Variants in C13orf46 observed in about 807,000 individuals in gnomAD.
The protein encoded by C13orf46 is chromosome 13 open reading frame 46.
chr13:113,959,605 C>A (rs946696223), intron 6 of C13orf46, among the ~76,000 whole-genome samples: 2 of 152,140 alleles, frequency 1.3e-5, no homozygotes, highest in Non-Finnish European at 2.9e-5. Flanking sequence ...CAGAAATGGT[C>A]AAAAATGGTG....
At chr13:113,947,278 T>G in the C13orf46 span, among the ~76,000 whole-genome samples, 1 of 151,542 alleles carries the variant, frequency 6.6e-6, no homozygotes, top group African/African-American at 2.4e-5. Context: ...GGAAGGGGGT[T>G]GGGGGAGGCT....
At chr13:113,936,643 T>G in the C13orf46 span, among the ~76,000 whole-genome samples, 1 of 152,096 alleles carries the variant, frequency 6.6e-6, no homozygotes. Context: ...TCCCTGAAAA[T>G]GCAGAGACCA....
chr13:113,963,069 C>T (rs1228443420), intron 6 of C13orf46, among the ~76,000 whole-genome samples: 10 of 152,340 alleles, frequency 6.6e-5, no homozygotes, highest in Admixed American at 2.6e-4. Flanking sequence ...AGCAATCCGT[C>T]AGCAAAGCCA....
rs2052527641 is a variant in C13orf46 at position 113,955,980 on chromosome 13, G to A, written c.*793C>T. ...AGGAGGAGCATCTGGCGGAGACGAG[G>A]AGTAGGATCTGGCAGAGAGGAGGAG... On this transcript the variant is annotated 3_prime_UTR_variant, in exon 7 of 7. Coordinates refer to ENST00000636427, the MANE Select transcript of C13orf46 (RefSeq NM_001365455.2). 6.3e-6 allele frequency: 1 copy of A among 158,716 alleles called. No homozygotes were observed. The allele number at this position is 158,716 out of a possible 1,614,324, so 9.8% of individuals were successfully genotyped here. A position where few individuals can be genotyped will look rare whatever the true frequency, so the allele number is the denominator to read the frequency against.
rs1167070792 is a variant in C13orf46, at chr13:113,955,004, G to A, written c.*1769C>T. The A allele has an allele frequency of 8.7e-6, 1 of 115,436 alleles. No individual in the cohort carries two copies. The highest frequency in any genetic ancestry group is 1.9e-5 in the Non-Finnish European group (1 of 51,504). 7.2% of individuals were successfully genotyped at this position (115,436 alleles called of 1,614,324 possible). ...ACGAGGAGGAGGATCTGGCAGAGAGGAGGAGTAGGATCTGGCGGAGAGGAG... is the reference window on the plus strand; with the variant it reads ...ACGAGGAGGAGGATCTGGCAGAGAGAAGGAGTAGGATCTGGCGGAGAGGAG... On this transcript the variant is annotated 3_prime_UTR_variant, in exon 7 of 7. Coordinates refer to ENST00000636427, the MANE Select transcript of C13orf46 (RefSeq NM_001365455.2).
downstream of C13orf46, among the ~76,000 whole-genome samples, chr13:113,949,040 G>A (rs1214844321): frequency 2.0e-5 from 3 of 152,116 alleles, no homozygotes; most frequent in Admixed American, 6.5e-5. Flanking sequence ...CCCCCTCACC[G>A]CCCCCACTCC....
chr13:113,953,246 C>A (rs888650646), downstream of C13orf46, among the ~76,000 whole-genome samples: 8 of 152,210 alleles, frequency 5.3e-5, no homozygotes, highest in African/African-American at 9.7e-5. Context: ...GGTGGCCACT[C>A]ACATCCCACA....
At chr13:113,972,034 G>C (rs2052711626) in intron 1 of C13orf46, among the ~76,000 whole-genome samples, 2 of 152,190 alleles carry the variant, frequency 1.3e-5, no homozygotes, top group Non-Finnish European at 1.5e-5. Flanking sequence ...CAGAAGCCCG[G>C]CCTCCCTGCT....
chr13:113,940,470 A>G, the C13orf46 span, among the ~76,000 whole-genome samples: 50 of 142,568 alleles, frequency 3.5e-4, no homozygotes, highest in Middle Eastern at 3.7e-3. Context: ...CTAGGACTCC[A>G]TGTGTGAGGC....
chr13:113,946,509 G>T, the C13orf46 span, among the ~76,000 whole-genome samples: 2 of 152,186 alleles, frequency 1.3e-5, no homozygotes, highest in Non-Finnish European at 2.9e-5. Flanking sequence ...TGTGTGGGTC[G>T]TCAGCCGGGT....
chr13:113,927,604 G>A, the C13orf46 span: 12 of 398,586 alleles, frequency 3.0e-5, no homozygotes, highest in Middle Eastern at 1.2e-3. Flanking sequence ...CTACGGTGGG[G>A]AGTGAGCCTT....
At chr13:113,967,288 G>A (rs1422259649) in intron 5 of C13orf46, 53 bp downstream of exon 5, 2 of 152,286 alleles carry the variant, frequency 1.3e-5, no homozygotes, top group Non-Finnish European at 2.9e-5. Flanking sequence ...AGGCAGCACA[G>A]GCGCTTTCCT....
chr13:113,959,956 A>G (rs1488316005), intron 6 of C13orf46, among the ~76,000 whole-genome samples: 3 of 152,222 alleles, frequency 2.0e-5, no homozygotes, highest in Admixed American at 1.3e-4. Flanking sequence ...ATGTCCTTCT[A>G]AAGATTGAGC....
rs1314991893 is a variant in C13orf46 at position 113,954,872 on chromosome 13, G to T, written c.*1901C>A. The T allele has an allele frequency of 7.9e-5, 15 of 189,728 alleles. No homozygotes were observed. The highest frequency in any genetic ancestry group is 3.6e-4 in the African/African-American group (15 of 41,604). The allele number at this position is 189,728 out of a possible 1,614,324, so 11.8% of individuals were successfully genotyped here. A position where few individuals can be genotyped will look rare whatever the true frequency, so the allele number is the denominator to read the frequency against. On this transcript the variant is annotated 3_prime_UTR_variant, in exon 7 of 7. Coordinates refer to ENST00000636427, the MANE Select transcript of C13orf46 (RefSeq NM_001365455.2). ...GAGATGAGGAGCATCTCGTGGGGAG[G>T]AGGAGCATCTGGCAGAGACGAGGAG...
At chr13:113,941,802 C>T in the C13orf46 span, among the ~76,000 whole-genome samples, 1 of 152,186 alleles carries the variant, frequency 6.6e-6, no homozygotes, top group South Asian at 2.1e-4. Flanking sequence ...CTGGACCTGC[C>T]CAGCGCCCTG....
downstream of C13orf46, among the ~76,000 whole-genome samples, chr13:113,950,641 T>C (rs1419656424): frequency 3.3e-5 from 5 of 152,336 alleles, no homozygotes; most frequent in Admixed American, 1.3e-4. Context: ...CACGGAGAGT[T>C]GACCTCCCAG....
At chr13:113,971,746 G>A (rs775448486) in intron 1 of C13orf46, among the ~76,000 whole-genome samples, 2 of 152,230 alleles carry the variant, frequency 1.3e-5, no homozygotes, top group Non-Finnish European at 2.9e-5. Flanking sequence ...ATGTCATGGA[G>A]CCCACCAAGT....
At chr13:113,951,446 C>G (rs1055601344), downstream of C13orf46, among the ~76,000 whole-genome samples, 1 of 152,180 alleles carries the variant, frequency 6.6e-6, no homozygotes, top group Non-Finnish European at 1.5e-5. Context: ...CGGCTCTGCC[C>G]GGCCACACAG....
chr13:113,933,576 GA>G, the C13orf46 span, among the ~76,000 whole-genome samples: 2 of 152,280 alleles, frequency 1.3e-5, no homozygotes, highest in Non-Finnish European at 2.9e-5. Context: ...GTTGATTCTG[GA>G]GATCAATCTG....
Sources: allele counts gnomAD v4.1 joint callset (sites outside exome capture counted in the v4.1 genomes callset), GRCh38; gene constraint gnomAD v4.1.1; transcripts MANE v1.5; gene names NCBI Gene and HGNC (gene_info 2026-07-23, HGNC 2026-07-21).